The following C17orf58 variants were observed in gnomAD, a reference collection of about 807,000 sequenced individuals.
C17orf58 encodes UPF0450 protein C17orf58.
C17orf58 carries 5 observed loss-of-function variants against 7.4 expected under a neutral mutation model. The ratio of observed to expected loss-of-function variants is 0.67; its 90% CI spans 0.35 to 1.42. C17orf58 has a LOEUF of 1.42. Ranked by LOEUF, C17orf58 falls within the 40% of genes most tolerant of loss-of-function variation. The probability of loss-of-function intolerance (pLI) is 0.04; values close to 1 mark genes in which losing one functional copy is unlikely to be tolerated. For missense variants in C17orf58, 162 were observed against 174.2 expected (o/e 0.93, Z 0.40); for synonymous variants, 60 against 70.6 (o/e 0.85, Z 0.75).
intron 1 of C17orf58, among the ~76,000 whole-genome samples, chr17:67,994,535 T>TATATATATATATA (rs71142122): frequency 2.0e-5 from 2 of 100,308 alleles, no homozygotes; most frequent in Admixed American, 1.0e-4. Context: ...TATATATATA[T>TATATATATATATA]AAAACATATA....
chr17:67,992,926 A>G, intron 3 of C17orf58, 118 bp downstream of exon 3: 1 of 1,613,990 alleles, frequency 6.2e-7, no homozygotes, highest in Non-Finnish European at 8.5e-7. Flanking sequence ...CATTCATGTC[A>G]TTGTTTCCCA....
intron 1 of C17orf58, among the ~76,000 whole-genome samples, chr17:67,994,514 G>GTATATATATATATA (rs1555699612): frequency 3.9e-4 from 34 of 87,190 alleles, no homozygotes; most frequent in African/African-American, 9.3e-4. Flanking sequence ...GTGTGTGTGT[G>GTATATATATATATA]TGTATATATA....
In C17orf58 at chr17:67,992,972, G is replaced by C. The variant is rs781939369; in HGVS notation, c.829+72C>G. Reference sequence around the variant, plus strand: ...AAAAAGGCTGGGCGACCTACAGCCCGGGCTGTGGCACCCACGTTACAAACG... The same window carrying C: ...AAAAAGGCTGGGCGACCTACAGCCCCGGCTGTGGCACCCACGTTACAAACG... On this transcript the variant is annotated intron_variant, in intron 3 of 3. Transcript: ENST00000580729. The C allele has an allele frequency of 8.1e-6, 13 of 1,613,988 alleles. No individual in the cohort carries two copies. In the African/African-American group the frequency reaches 1.6e-4, roughly 20 times the overall value.
In C17orf58 at chr17:67,993,902, G is replaced by A. The variant is rs1250206790; in HGVS notation, c.159C>T (p.Leu53=). 8 of 389,098 alleles carry A rather than the reference G, an allele frequency of 2.1e-5. No homozygotes were observed. The highest frequency in any genetic ancestry group is 3.6e-5 in the Non-Finnish European group (8 of 220,590). The allele number at this position is 389,098 out of a possible 1,614,324, so 24.1% of individuals were successfully genotyped here. A position where few individuals can be genotyped will look rare whatever the true frequency, so the allele number is the denominator to read the frequency against. ...EETPGPRAQP[L]LEAPQRPRAA... ...CGCGCGGCCGCTGCGGGGCCTCAAG[G>A]AGTGGCTGCGCGCGGGGCCCCGGTG... The change falls in exon 2 of 4, where the codon CTC becomes CTT. Residue 53 remains leucine (L), a synonymous_variant. Transcript: ENST00000580729. This position sits in a 1 kb window ranked among gnomAD's most constrained non-coding sequence, Gnocchi z 5.1.
intron 1 of C17orf58, among the ~76,000 whole-genome samples, chr17:67,994,374 T>G (rs193060594): frequency 6.6e-6 from 1 of 151,776 alleles, no homozygotes; most frequent in Admixed American, 6.6e-5. Context: ...GATTATAGCT[T>G]TTAAAATTAC....
At chr17:67,995,748 C>T (rs1382332194) in intron 1 of C17orf58, among the ~76,000 whole-genome samples, 2 of 152,174 alleles carry the variant, frequency 1.3e-5, no homozygotes, top group Non-Finnish European at 2.9e-5. Flanking sequence ...CTCACCCAGT[C>T]GAGGGGGGCG....
chr17:67,994,209 G>A (rs1233627428), intron 1 of C17orf58, among the ~76,000 whole-genome samples: 1 of 151,654 alleles, frequency 6.6e-6, no homozygotes, highest in African/African-American at 2.4e-5. Flanking sequence ...AGAGGACAAG[G>A]GAGGCTTCGC....
In C17orf58 at chr17:67,993,431, G is replaced by A. The variant is rs1184846769; in HGVS notation, c.630C>T (p.Ser210=). 3 of 557,844 alleles carry A rather than the reference G, an allele frequency of 5.4e-6. No individual in the cohort carries two copies. In the South Asian group the frequency reaches 7.0e-5, roughly 13 times the overall value. 34.6% of individuals were successfully genotyped at this position (557,844 alleles called of 1,614,324 possible). Reference sequence around the variant, plus strand: ...CGCGGCGGCCGGGCTCACCGAATTCGCTCTCGCAGAACGCCTCGCGTTCGT... The same window carrying A: ...CGCGGCGGCCGGGCTCACCGAATTCACTCTCGCAGAACGCCTCGCGTTCGT... ...DLDEREAFCE[S]EFAVNGIVHD... Residue 210 remains serine (S), a synonymous_variant, in exon 2 of 4, where the codon AGC becomes AGT. Transcript: ENST00000580729. This position sits in a 1 kb window ranked among gnomAD's most constrained non-coding sequence, Gnocchi z 5.1.
In C17orf58 at chr17:67,992,209, T is replaced by C. The variant is rs1331548410; in HGVS notation, c.830-106A>G. 4 of 1,012,506 alleles carry C rather than the reference T, an allele frequency of 4.0e-6. No individual in the cohort carries two copies. The Admixed American group carries it at 8.5e-5, about 22-fold the overall frequency. The allele number at this position is 1,012,506 out of a possible 1,614,324, so 62.7% of individuals were successfully genotyped here. On this transcript the variant is annotated intron_variant, in intron 3 of 3. Coordinates refer to ENST00000580729, the MANE Select transcript of C17orf58 (RefSeq NM_001382359.1). ...CCTAAGCTGCAATCTATTATCTTGC[T>C]GCACAAGTTGAAACTGATATTGAGT...
At chr17:67,996,065 AGCTCCCCCCCACAGATCCCC>A (rs2070889239) in intron 1 of C17orf58, 38 bp downstream of exon 1, 1 of 393,848 alleles carries the variant, frequency 2.5e-6, no homozygotes, top group East Asian at 3.7e-5. Context: ...CCTCCTTCCC[AGCTCCCCCCCACAGATCCCC>A]GCTCCGCTCC....
chr17:67,992,833 C>A, intron 3 of C17orf58: 1 of 1,539,128 alleles, frequency 6.5e-7, no homozygotes, highest in Non-Finnish European at 8.8e-7. Flanking sequence ...TTGTGCCAAC[C>A]CTTGCTGTTC....
At position 67,991,112 on chromosome 17, in the gene C17orf58, C is replaced by T. The variant is rs2070825734; in HGVS notation, c.*801G>A. ...GTGCATCCAAGATCTGATTTCAAGTCAAGATTTATTGCTTTACAAACAAAC... is the reference window on the plus strand; with the variant it reads ...GTGCATCCAAGATCTGATTTCAAGTTAAGATTTATTGCTTTACAAACAAAC... On this transcript the variant is annotated 3_prime_UTR_variant, in exon 4 of 4. Transcript: ENST00000580729. The T allele has an allele frequency of 6.6e-6, 1 of 152,066 alleles. No homozygotes were observed. The highest frequency in any genetic ancestry group is 1.5e-5 in the Non-Finnish European group (1 of 68,012). 9.4% of individuals were successfully genotyped at this position (152,066 alleles called of 1,614,324 possible).
At chr17:67,994,667 T>C (rs1243915333) in intron 1 of C17orf58, among the ~76,000 whole-genome samples, 5 of 151,846 alleles carry the variant, frequency 3.3e-5, no homozygotes, top group African/African-American at 1.2e-4. Flanking sequence ...AACAGAACTA[T>C]TTGGTTTTCC....
At chr17:67,995,509 A>G (rs2070884678) in intron 1 of C17orf58, among the ~76,000 whole-genome samples, 1 of 152,242 alleles carries the variant, frequency 6.6e-6, no homozygotes, top group African/African-American at 2.4e-5. Context: ...CATCCAAATA[A>G]AAGCAAAACA....
intron 1 of C17orf58, among the ~76,000 whole-genome samples, chr17:67,995,495 A>G (rs1302883325): frequency 6.6e-6 from 1 of 152,282 alleles, no homozygotes; most frequent in Non-Finnish European, 1.5e-5. Context: ...CGAAGCCGAC[A>G]GAACATCCAA....
In C17orf58 at chr17:67,993,409, G is replaced by T; in HGVS notation, c.637+15C>A. 1 of 571,306 alleles carries T rather than the reference G, an allele frequency of 1.8e-6. No homozygotes were observed. Among genetic ancestry groups the T allele is most frequent in the Non-Finnish European group, 3.1e-6 (1 of 325,492 alleles). 35.4% of individuals were successfully genotyped at this position (571,306 alleles called of 1,614,324 possible). On this transcript the variant is annotated intron_variant, in intron 2 of 3. Transcript: ENST00000580729. The surrounding 1 kb of genome is among the most constrained non-coding windows in gnomAD (Gnocchi z 5.1). Reference sequence around the variant, plus strand: ...TCGCGGGGCGGCGGGGCGGCGGCGCGGCGGCCGGGCTCACCGAATTCGCTC... The same window carrying T: ...TCGCGGGGCGGCGGGGCGGCGGCGCTGCGGCCGGGCTCACCGAATTCGCTC...
rs1555699306 is a variant in C17orf58 at position 67,992,045 on chromosome 17, A to T, written c.888T>A (p.Ala296=). The stretch of plus-strand genomic sequence containing the variant: ...GGCGGCCTCTCAGGACCTGGAGCAG[A>T]GCTGTAGGGAGCTGCCGTCTCTTAT... The part of the protein sequence containing the change: ...IYHKRRQLPT[A]LLQVLRGRLR... Residue 296 remains alanine, a synonymous_variant, in exon 4 of 4, where the codon GCT becomes GCA. Transcript: ENST00000580729. 1.9e-6 allele frequency: 3 copies of T among 1,611,182 alleles called. No homozygotes were observed. Among genetic ancestry groups the T allele is most frequent in the Non-Finnish European group, 2.5e-6 (3 of 1,178,774 alleles).
chr17:67,996,305 G>A lies in C17orf58; in HGVS notation c.-107C>T, dbSNP rs2070891047. On this transcript the variant is annotated 5_prime_UTR_variant, in exon 1 of 4. Coordinates refer to ENST00000580729, the MANE Select transcript of C17orf58 (RefSeq NM_001382359.1). The stretch of plus-strand genomic sequence containing the variant: ...CCCACCCCCGTTCATGCTAATGAGG[G>A]GCAGCCTTTGGGGAAACGGGAATCA... 2.5e-6 allele frequency: 1 copy of A among 395,702 alleles called. No homozygotes were observed. Among genetic ancestry groups the A allele is most frequent in the Non-Finnish European group, 4.4e-6 (1 of 224,844 alleles). 24.5% of individuals were successfully genotyped at this position (395,702 alleles called of 1,614,324 possible).
rs1244199425 is a variant in C17orf58, at chr17:67,994,516, G to GTGTGTGTGTA, written c.77-533_77-532insTACACACACA. Among the ~76,000 whole-genome samples, 567 of 89,508 alleles carry GTGTGTGTGTA rather than the reference G, an allele frequency of 6.3e-3. 7 individuals carry two copies. Among genetic ancestry groups the GTGTGTGTGTA allele is most frequent in the African/African-American group, 0.02 (540 of 26,694 alleles). 58.7% of individuals were successfully genotyped at this position (89,508 alleles called of 152,430 possible). ...TGCGTGTGTGTGTGTGTGTGTGTGTGTATATATATATATATATATAAAACA... is the reference window on the plus strand; with the variant it reads ...TGCGTGTGTGTGTGTGTGTGTGTGTGTGTGTGTGTATATATATATATATATATATAAAACA... On this transcript the variant is annotated intron_variant, in intron 1 of 3. Transcript: ENST00000580729.
Sources: allele counts gnomAD v4.1 joint callset (sites outside exome capture counted in the v4.1 genomes callset), GRCh38; gene constraint gnomAD v4.1.1; non-coding constraint Gnocchi (gnomAD v3.1); transcripts MANE v1.5; gene names NCBI Gene and HGNC (gene_info 2026-07-23, HGNC 2026-07-21).